BMAL1: variants seen among roughly 807,000 people sequenced by gnomAD.
BMAL1 encodes the protein basic helix-loop-helix ARNT like 1, also known as basic helix-loop-helix ARNT-like protein 1.
the BMAL1 span, among the ~76,000 whole-genome samples, chr11:13,281,912 A>G: frequency 6.6e-6 from 1 of 152,188 alleles, no homozygotes; most frequent in Non-Finnish European, 1.5e-5. Context: ...GCACCCCTGT[A>G]AAGATAAATG....
chr11:13,320,251 T>C, the BMAL1 span, among the ~76,000 whole-genome samples: 1 of 152,198 alleles, frequency 6.6e-6, no homozygotes, highest in Non-Finnish European at 1.5e-5. Context: ...CTTCTCTAGC[T>C]CTCCTCTCTG....
At chr11:13,318,559 T>G in the BMAL1 span, among the ~76,000 whole-genome samples, 19 of 149,376 alleles carry the variant, frequency 1.3e-4, no homozygotes, top group African/African-American at 4.2e-4. Context: ...TTTTTTTTTT[T>G]TTTTTTTTTT....
chr11:13,320,706 T>G, the BMAL1 span, among the ~76,000 whole-genome samples: 371 of 152,326 alleles, frequency 2.4e-3, 7 homozygotes, highest in Non-Finnish European at 8.5e-4. Context: ...ATGCTCCAAG[T>G]TGGTGGCTAC....
At chr11:13,337,449 C>A in the BMAL1 span, among the ~76,000 whole-genome samples, 3 of 151,938 alleles carry the variant, frequency 2.0e-5, no homozygotes, top group Admixed American at 6.6e-5. Context: ...TTAACAGATG[C>A]CAGTGCATAT....
At chr11:13,352,660 G>C in the BMAL1 span, among the ~76,000 whole-genome samples, 2 of 152,200 alleles carry the variant, frequency 1.3e-5, no homozygotes, top group East Asian at 3.8e-4. Flanking sequence ...TTGCTCAAAT[G>C]CAAGGAAATA....
chr11:13,356,766 C>T, the BMAL1 span: 1 of 1,614,162 alleles, frequency 6.2e-7, no homozygotes, highest in South Asian at 1.1e-5. Flanking sequence ...ACAAAGATGA[C>T]CCTCATGGAA....
At chr11:13,354,794 C>T in the BMAL1 span, among the ~76,000 whole-genome samples, 2 of 152,182 alleles carry the variant, frequency 1.3e-5, no homozygotes, top group Non-Finnish European at 1.5e-5. Context: ...GGTGTCATCT[C>T]AGGGGGTTCA....
At chr11:13,375,520 G>A in the BMAL1 span, 11 of 1,112,596 alleles carry the variant, frequency 9.9e-6, no homozygotes, top group African/African-American at 1.6e-5. Flanking sequence ...TGTCGTTGGA[G>A]CTCAAGTACC....
At chr11:13,356,716 C>T in the BMAL1 span, 3 of 1,613,820 alleles carry the variant, frequency 1.9e-6, no homozygotes, top group East Asian at 4.5e-5. Context: ...AACATGCAGT[C>T]ACATTCTCTT....
At chr11:13,291,829 C>G in the BMAL1 span, among the ~76,000 whole-genome samples, 1 of 152,194 alleles carries the variant, frequency 6.6e-6, no homozygotes, top group African/African-American at 2.4e-5. Flanking sequence ...ACAGAATACT[C>G]ACATATCTTT....
chr11:13,381,674 C>G, the BMAL1 span, among the ~76,000 whole-genome samples: 1 of 152,322 alleles, frequency 6.6e-6, no homozygotes, highest in Non-Finnish European at 1.5e-5. Context: ...CTTTGGAAAT[C>G]AAGCCATGCT....
the BMAL1 span, chr11:13,358,329 T>C: frequency 4.7e-6 from 6 of 1,268,924 alleles, no homozygotes; most frequent in South Asian, 1.3e-4. Flanking sequence ...TAAATTTGCC[T>C]TGTCAGATGA....
At chr11:13,289,922 G>T in the BMAL1 span, among the ~76,000 whole-genome samples, 1 of 152,210 alleles carries the variant, frequency 6.6e-6, no homozygotes, top group African/African-American at 2.4e-5. Context: ...TGGGTCAAAT[G>T]ATATTTCTAG....
At chr11:13,338,294 G>A in the BMAL1 span, among the ~76,000 whole-genome samples, 3 of 152,140 alleles carry the variant, frequency 2.0e-5, no homozygotes, top group Non-Finnish European at 4.4e-5. Flanking sequence ...CTGGGGTCAG[G>A]CAGGATACAT....
the BMAL1 span, among the ~76,000 whole-genome samples, chr11:13,292,916 A>T: frequency 1.3e-5 from 2 of 152,198 alleles, no homozygotes; most frequent in African/African-American, 4.8e-5. Flanking sequence ...GGAATTTGCA[A>T]CTACATATAG....
chr11:13,377,625 C>T, the BMAL1 span, among the ~76,000 whole-genome samples: 1 of 152,198 alleles, frequency 6.6e-6, no homozygotes, highest in Non-Finnish European at 1.5e-5. Flanking sequence ...TGTGTATCGT[C>T]CTTTGGTACT....
chr11:13,358,907 A>G, the BMAL1 span, among the ~76,000 whole-genome samples: 7 of 152,182 alleles, frequency 4.6e-5, no homozygotes, highest in Admixed American at 4.6e-4. Context: ...CATCTTGCCT[A>G]TGTTTGTGCC....
the BMAL1 span, among the ~76,000 whole-genome samples, chr11:13,317,106 A>T: frequency 1.3e-5 from 2 of 152,198 alleles, no homozygotes; most frequent in Non-Finnish European, 2.9e-5. Context: ...GAAAGCACCA[A>T]ATATTTATTA....
chr11:13,277,349 C>A, the BMAL1 span, among the ~76,000 whole-genome samples: 1 of 152,088 alleles, frequency 6.6e-6, no homozygotes, highest in Non-Finnish European at 1.5e-5. Flanking sequence ...ACATCCCGGG[C>A]GACCCCGAGG....
Sources: gnomAD v4.1 joint callset for allele counts (sites outside exome capture counted in the v4.1 genomes callset) on GRCh38, gnomAD v4.1.1 for gene constraint, MANE v1.5 for transcripts, NCBI Gene and HGNC (gene_info 2026-07-23, HGNC 2026-07-21) for gene names.